COL6A2: variants seen among roughly 807,000 people sequenced by gnomAD.
COL6A2 encodes collagen alpha-2(VI) chain.
A neutral mutation model predicts 124.9 loss-of-function variants in COL6A2; 90 were observed. The observed-to-expected ratio is 0.72, with a 90% CI of 0.61 to 0.86. The LOEUF (loss-of-function observed/expected upper bound fraction) is 0.86, where lower values mean the gene tolerates loss of function less well. Ranked by LOEUF, COL6A2 falls within the 40% of genes least tolerant of loss-of-function variation. COL6A2 has a pLI of 0.00. For missense variants in COL6A2, 1,607 were observed against 1,502.5 expected (o/e 1.07, Z -1.15); for synonymous variants, 793 against 618.2 (o/e 1.28, Z -4.19).
chr21:46,124,289 G>A (rs573936461), intron 21 of COL6A2, among the ~76,000 whole-genome samples: 6 of 151,804 alleles, frequency 4.0e-5, no homozygotes, highest in African/African-American at 1.5e-4. Context: ...AGATGGATGG[G>A]TGATTGGGCG....
At chr21:46,121,257 GA>G (rs765841201) in intron 17 of COL6A2, 134 bp downstream of exon 17, 54 of 898,538 alleles carry the variant, frequency 6.0e-5, no homozygotes, top group Non-Finnish European at 8.4e-5. Flanking sequence ...CAGAAGCCAG[GA>G]CCTGCTCCCC....
intron 27 of COL6A2, among the ~76,000 whole-genome samples, chr21:46,131,136 C>A (rs963343661): frequency 1.4e-4 from 21 of 152,322 alleles, no homozygotes; most frequent in African/African-American, 5.0e-4. Context: ...CTGGCTCTGT[C>A]CCTCCCCTCC....
rs2078514102 is a variant in COL6A2 at position 46,118,662 on chromosome 21, G to GC, written c.1167dup (p.Lys390GlnfsTer61). 1 of 1,611,020 alleles carries GC rather than the reference G, an allele frequency of 6.2e-7. No individual in the cohort carries two copies. The highest frequency in any genetic ancestry group is 8.5e-7 in the Non-Finnish European group (1 of 1,179,462). On this transcript the variant is annotated frameshift_variant, in exon 13 of 28. Transcript: ENST00000300527. LOFTEE classifies it high-confidence loss of function. ...CAGAGGGCCCCCGGGAGAAATCGGG[G>GC]CCAAGGGAAGCAAGGTGAGCCCCTC...
At chr21:46,103,129 A>C (rs1479898660) in intron 1 of COL6A2, among the ~76,000 whole-genome samples, 1 of 152,038 alleles carries the variant, frequency 6.6e-6, no homozygotes, top group Non-Finnish European at 1.5e-5. Context: ...CTATTTCTTC[A>C]TGATTTGATT....
intron 4 of COL6A2, chr21:46,113,677 C>T (rs938727794): frequency 4.7e-6 from 2 of 426,570 alleles, no homozygotes; most frequent in South Asian, 2.2e-5. Context: ...CTCCCTGCCT[C>T]GGCCTACCAA....
intron 1 of COL6A2, among the ~76,000 whole-genome samples, chr21:46,109,274 C>G (rs2078368915): frequency 6.6e-6 from 1 of 152,054 alleles, no homozygotes; most frequent in African/African-American, 2.4e-5. Context: ...AGAGAGAGCA[C>G]CTCCTCTCTG....
chr21:46,104,424 T>A (rs1296868024), intron 1 of COL6A2, among the ~76,000 whole-genome samples: 1 of 152,162 alleles, frequency 6.6e-6, no homozygotes, highest in African/African-American at 2.4e-5. Flanking sequence ...AAAGGCAGAT[T>A]TCAGCAGGCA....
Position 46,124,589 on chromosome 21 carries a change from C to T in COL6A2, c.1672-62C>T, listed in dbSNP as rs575731478. 6.3e-4 allele frequency: 975 copies of T among 1,542,518 alleles called. 1 individual carries two copies. Among genetic ancestry groups the T allele is most frequent in the Non-Finnish European group, 7.9e-4 (880 of 1,116,676 alleles). On this transcript the variant is annotated intron_variant, in intron 21 of 27. Transcript: ENST00000300527. ...GTGGTTGGGGACAGCACAGGGGGCC[C>T]TGCTGTGTGCAGGGACTGTCCCTGG...
At chr21:46,104,765 G>GTTT in intron 1 of COL6A2, among the ~76,000 whole-genome samples, 1 of 152,322 alleles carries the variant, frequency 6.6e-6, no homozygotes, top group South Asian at 2.1e-4. Context: ...CAAAGACAAA[G>GTTT]ATTTTGAAAA....
chr21:46,102,472 C>A (rs1323639928), intron 1 of COL6A2, among the ~76,000 whole-genome samples: 1 of 152,140 alleles, frequency 6.6e-6, no homozygotes, highest in Non-Finnish European at 1.5e-5. Context: ...TTATTTCTGA[C>A]CTTAGAGGAA....
Position 46,116,956 on chromosome 21 carries a change from C to CACAT in COL6A2, c.999+142_999+143insACAT, listed in dbSNP as rs71185194. 4.1e-5 allele frequency: 33 copies of CACAT among 813,212 alleles called. No individual in the cohort carries two copies. The highest frequency in any genetic ancestry group is 3.5e-4 in the Middle Eastern group (1 of 2,854). The allele number at this position is 813,212 out of a possible 1,614,324, so 50.4% of individuals were successfully genotyped here. ...ACACACACACACACACACACACACA[C>CACAT]GAACTTCAGCTCCTGCCACATCCCA... On this transcript the variant is annotated intron_variant, in intron 10 of 27. Transcript: ENST00000300527. This position sits in a 1 kb window ranked among gnomAD's most constrained non-coding sequence, Gnocchi z 4.6.
In COL6A2 at chr21:46,117,955, G is replaced by A; in HGVS notation, c.1116+19G>A. 1 of 1,609,400 alleles carries A rather than the reference G, an allele frequency of 6.2e-7. No individual in the cohort carries two copies. Among genetic ancestry groups the A allele is most frequent in the Non-Finnish European group, 8.5e-7 (1 of 1,177,706 alleles). ...CGGCAAGGTAAGTGGCCTTGTCAGG[G>A]TACGGGGCAGGCGGGGTCACCAGCT... is the stretch of plus-strand genomic sequence containing the variant. On this transcript the variant is annotated intron_variant, in intron 12 of 27. Transcript: ENST00000300527.
At position 46,116,114 on chromosome 21, in the gene COL6A2, TC is replaced by T. The variant is rs958022560; in HGVS notation, c.900+67del. ...GAGGCCCCAGCACTGCCAGGCAGGC[TC>T]CCCCCAGCCCAGCCTCGGCCTCAGC... On this transcript the variant is annotated intron_variant, in intron 7 of 27. Coordinates refer to ENST00000300527, the MANE Select transcript of COL6A2 (RefSeq NM_001849.4). This position sits in a 1 kb window ranked among gnomAD's most constrained non-coding sequence, Gnocchi z 4.6. 8.6e-6 allele frequency: 13 copies of T among 1,514,428 alleles called. No individual in the cohort carries two copies. Among genetic ancestry groups the T allele is most frequent in the Admixed American group, 2.0e-5 (1 of 50,908 alleles). 93.8% of individuals were successfully genotyped at this position (1,514,428 alleles called of 1,614,324 possible).
chr21:46,106,489 A>T (rs184522362), intron 1 of COL6A2, among the ~76,000 whole-genome samples: 1 of 152,346 alleles, frequency 6.6e-6, no homozygotes. Flanking sequence ...GTGAATGTTG[A>T]ATGAAGGGAT....
chr21:46,128,070 CAG>C (rs1194158352), intron 27 of COL6A2, among the ~76,000 whole-genome samples: 2 of 152,212 alleles, frequency 1.3e-5, no homozygotes, highest in East Asian at 1.9e-4. Flanking sequence ...GTTCTGGCCT[CAG>C]GGTGACGTGG....
At position 46,112,218 on chromosome 21, in the gene COL6A2, A is replaced by T. The variant is rs546008642; in HGVS notation, c.355A>T (p.Ile119Phe). 1 of 1,612,844 alleles carries T rather than the reference A, an allele frequency of 6.2e-7. No individual in the cohort carries two copies. The highest frequency in any genetic ancestry group is 1.1e-5 in the South Asian group (1 of 91,078). ...SPPGSDRASF[I>F]KNLQGISSFR... is the part of the protein sequence containing the mutation. ...ACCGGGCAGCGACCGGGCCTCCTTC[A>T]TCAAGAACCTGCAGGGCATCAGCTC... The change falls in exon 3 of 28, where the codon ATC (isoleucine) becomes TTC (phenylalanine). Residue 119 changes from isoleucine to phenylalanine, a missense_variant. Physicochemically the swap from Ile to Phe is conservative, Grantham distance 21. Coordinates refer to ENST00000300527, the MANE Select transcript of COL6A2 (RefSeq NM_001849.4).
At chr21:46,098,552 G>A (rs977771759) in intron 1 of COL6A2, among the ~76,000 whole-genome samples, 5 of 150,866 alleles carry the variant, frequency 3.3e-5, no homozygotes, top group Admixed American at 3.3e-4. Context: ...GCGTCTGCGA[G>A]CGGTTCGGGT....
In COL6A2 at chr21:46,126,120, A is replaced by T. The variant is rs746178668; in HGVS notation, c.2305A>T (p.Ser769Cys). 6 of 1,612,374 alleles carry T rather than the reference A, an allele frequency of 3.7e-6. No homozygotes were observed. The highest frequency in any genetic ancestry group is 5.1e-6 in the Non-Finnish European group (6 of 1,180,028). ...IGDMFHEKHE[S>C]ENLYSIACDK... ...GGACATGTTCCACGAGAAGCACGAG[A>T]GTGAAAACCTCTACTCCATCGCCTG... The change falls in exon 26 of 28, where the codon AGT becomes TGT. Residue 769 changes from serine (S) to cysteine (C), a missense_variant. Ser to Cys is a moderately radical substitution (Grantham distance 112). Coordinates refer to ENST00000300527, the MANE Select transcript of COL6A2 (RefSeq NM_001849.4).
intron 1 of COL6A2, among the ~76,000 whole-genome samples, chr21:46,108,828 T>C: frequency 6.6e-6 from 1 of 152,218 alleles, no homozygotes. Context: ...GTGTCACTTT[T>C]CTGGCCTGAA....
Sources: allele counts gnomAD v4.1 joint callset (sites outside exome capture counted in the v4.1 genomes callset), GRCh38; gene constraint gnomAD v4.1.1; non-coding constraint Gnocchi (gnomAD v3.1); transcripts MANE v1.5; gene names NCBI Gene and HGNC (gene_info 2026-07-23, HGNC 2026-07-21).